Variants in ESF1 observed in about 807,000 individuals in gnomAD.
ESF1 encodes the protein ESF1 nucleolar pre-rRNA processing protein.
A neutral mutation model predicts 92.0 loss-of-function variants in ESF1; 58 were observed. The ratio of observed to expected loss-of-function variants is 0.63; its 90% confidence interval spans 0.51 to 0.78. The LOEUF (loss-of-function observed/expected upper bound fraction) is 0.78. ESF1 is among the 30% of genes least tolerant of loss of function. ESF1 has a pLI of 0.00. For synonymous variants in ESF1, 321 were observed against 313.7 expected, an observed-to-expected ratio of 1.02 and a Z score of -0.24; for missense variants, 922 against 989.1, an observed-to-expected ratio of 0.93 and a Z score of 0.91.
At chr20:13,721,204 T>C (rs1336552643) in intron 11 of ESF1, among the ~76,000 whole-genome samples, 2 of 152,176 alleles carry the variant, frequency 1.3e-5, no homozygotes, top group Non-Finnish European at 2.9e-5. Flanking sequence ...TAAATGAAAA[T>C]ATTAACACAG....
intron 9 of ESF1, among the ~76,000 whole-genome samples, chr20:13,748,253 G>C (rs1978369680): frequency 6.6e-6 from 1 of 152,016 alleles, no homozygotes; most frequent in Non-Finnish European, 1.5e-5. Flanking sequence ...TCTTAAGCAA[G>C]TCTATGCTTC....
At chr20:13,776,959 T>C (rs1979970000) in intron 2 of ESF1, among the ~76,000 whole-genome samples, 3 of 152,238 alleles carry the variant, frequency 2.0e-5, no homozygotes, top group African/African-American at 4.8e-5. Context: ...GGCCAAGCTA[T>C]CAAAAAACCA....
At chr20:13,779,229 C>A (rs2147450082) in intron 2 of ESF1, among the ~76,000 whole-genome samples, 1 of 151,340 alleles carries the variant, frequency 6.6e-6, no homozygotes, top group African/African-American at 2.4e-5. Flanking sequence ...AAAAAAAAAC[C>A]AAAAAAACTG....
intron 2 of ESF1, among the ~76,000 whole-genome samples, chr20:13,778,195 G>A (rs1486842910): frequency 1.3e-5 from 2 of 152,134 alleles, no homozygotes; most frequent in African/African-American, 4.8e-5. Flanking sequence ...GGAAAAGCAG[G>A]AAATGGGCTT....
chr20:13,740,503 A>ATCAGAT (rs2050005248), intron 9 of ESF1, among the ~76,000 whole-genome samples: 2 of 152,222 alleles, frequency 1.3e-5, no homozygotes, highest in African/African-American at 4.8e-5. Flanking sequence ...GATGGAAAAT[A>ATCAGAT]TGAGTTATCA....
chr20:13,778,920 C>A (rs1212526820), intron 2 of ESF1, among the ~76,000 whole-genome samples: 1 of 152,046 alleles, frequency 6.6e-6, no homozygotes, highest in African/African-American at 2.4e-5. Flanking sequence ...GTGGGGTGCA[C>A]CTGTGGTCCC....
chr20:13,740,875 G>A (rs1301529593), intron 9 of ESF1, among the ~76,000 whole-genome samples: 1 of 152,102 alleles, frequency 6.6e-6, no homozygotes, highest in East Asian at 1.9e-4. Flanking sequence ...CAGGAGTCAA[G>A]AGGAAGTCTT....
intron 8 of ESF1, 51 bp downstream of exon 8, chr20:13,766,726 C>T (rs772680045): frequency 6.3e-7 from 1 of 1,585,914 alleles, no homozygotes; most frequent in Non-Finnish European, 8.6e-7. Context: ...CCCTGTAAAG[C>T]TACTGCCAAA....
At chr20:13,729,963 C>T (rs926297763) in intron 10 of ESF1, among the ~76,000 whole-genome samples, 2 of 152,172 alleles carry the variant, frequency 1.3e-5, no homozygotes, top group African/African-American at 4.8e-5. Flanking sequence ...GTCATTTAAA[C>T]AAAAATATTT....
chr20:13,745,715 G>A (rs536312148), intron 9 of ESF1, among the ~76,000 whole-genome samples: 1 of 152,208 alleles, frequency 6.6e-6, no homozygotes, highest in East Asian at 1.9e-4. Flanking sequence ...GCCTCCCAAA[G>A]TGCTGGGATT....
chr20:13,776,354 A>C lies in ESF1; in HGVS notation c.638-84T>G, dbSNP rs1979942788. On this transcript the variant is annotated intron_variant, in intron 2 of 13. Transcript: ENST00000617257. ...TCCAAATTATCTTGACATCAACTCC[A>C]GTAAAAATATAATTTCTATGAAACA... is the stretch of plus-strand genomic sequence containing the variant. 2.3e-6 allele frequency: 3 copies of C among 1,279,034 alleles called. No individual in the cohort carries two copies. In the East Asian group the frequency reaches 7.1e-5, roughly 30 times the overall value. The allele number at this position is 1,279,034 out of a possible 1,614,324, so 79.2% of individuals were successfully genotyped here.
intron 10 of ESF1, among the ~76,000 whole-genome samples, chr20:13,732,499 A>G (rs761249830): frequency 1.1e-4 from 16 of 152,212 alleles, no homozygotes; most frequent in Non-Finnish European, 2.1e-4. Flanking sequence ...TACCAAAAGC[A>G]TTATAAGAAC....
chr20:13,717,379 C>A lies in ESF1; in HGVS notation c.2251G>T (p.Asp751Tyr), dbSNP rs2049836393. ...QLMKKKELIE[D>Y]DFEVNVNDAR... ...GTGTCTATGGTTACCTCAAAGTCAT[C>A]CTCTATTAATTCCTTCTTTTTCATG... The change falls in exon 13 of 14, where the codon GAT (aspartate) becomes TAT (tyrosine). Residue 751 changes from aspartate to tyrosine, a missense_variant. Transcript: ENST00000617257. 1.2e-6 allele frequency: 2 copies of A among 1,613,806 alleles called. No individual in the cohort carries two copies. The highest frequency in any genetic ancestry group is 2.2e-5 in the South Asian group (2 of 91,062).
chr20:13,763,390 T>C (rs1267348447), intron 8 of ESF1, among the ~76,000 whole-genome samples: 1 of 90,798 alleles, frequency 1.1e-5, no homozygotes, highest in Non-Finnish European at 2.2e-5. Flanking sequence ...ATTCACAATA[T>C]TAGCTACCCT....
Position 13,775,892 on chromosome 20 carries a change from T to C in ESF1, c.1016A>G (p.Asp339Gly). The C allele has an allele frequency of 6.2e-7, 1 of 1,608,448 alleles. No individual in the cohort carries two copies. The highest frequency in any genetic ancestry group is 8.5e-7 in the Non-Finnish European group (1 of 1,177,350). ...GGTTACCTCATCAGCACGAGGAGCA[T>C]CTTTATCTAATTCTCTCCAAGCATG... ...FEHAWRELDK[D>G]APRADEITRR... The change falls in exon 3 of 14, where the codon GAT (aspartate) becomes GGT (glycine). Residue 339 changes from aspartate (D) to glycine (G), a missense_variant. Physicochemically the swap from Asp to Gly is moderately conservative, Grantham distance 94 (BLOSUM62 -1). Coordinates refer to ENST00000617257, the MANE Select transcript of ESF1 (RefSeq NM_001276380.2).
rs539926584 is a variant in ESF1 at position 13,755,311 on chromosome 20, A to T, written c.1828+4381T>A. The stretch of plus-strand genomic sequence containing the variant: ...ACCATAATCAAAAATTTAAGATTAT[A>T]AACAAACATGCCATTATTTATTTCT... On this transcript the variant is annotated intron_variant, in intron 9 of 13. Transcript: ENST00000617257. Among the ~76,000 whole-genome samples, 71 of 152,368 alleles carry T rather than the reference A, an allele frequency of 4.7e-4. 1 individual carries two copies. The highest frequency in any genetic ancestry group is 8.8e-4 in the Non-Finnish European group (60 of 68,034).
At chr20:13,732,788 G>C (rs1352135835) in intron 10 of ESF1, among the ~76,000 whole-genome samples, 1 of 152,092 alleles carries the variant, frequency 6.6e-6, no homozygotes, top group Admixed American at 6.5e-5. Flanking sequence ...AAAAACCTAA[G>C]TGATCTGTAC....
At chr20:13,729,248 C>G (rs2049925375) in intron 10 of ESF1, among the ~76,000 whole-genome samples, 1 of 152,232 alleles carries the variant, frequency 6.6e-6, no homozygotes, top group African/African-American at 2.4e-5. Flanking sequence ...CAGAGCGAGA[C>G]TCCGTCTCAA....
At chr20:13,742,686 C>G (rs1042035548) in intron 9 of ESF1, among the ~76,000 whole-genome samples, 4 of 151,958 alleles carry the variant, frequency 2.6e-5, no homozygotes, top group African/African-American at 9.7e-5. Flanking sequence ...GGATGACCTA[C>G]AGCTACACAA....
Sources: allele counts gnomAD v4.1 joint callset (sites outside exome capture counted in the v4.1 genomes callset), GRCh38; gene constraint gnomAD v4.1.1; transcripts MANE v1.5; gene names NCBI Gene and HGNC (gene_info 2026-07-23, HGNC 2026-07-21).